The following SCN7A variants were observed in gnomAD, a reference collection of about 807,000 sequenced individuals.
SCN7A encodes the protein sodium channel protein type 7 subunit alpha.
In SCN7A, 138 loss-of-function variants were observed where a neutral mutation model predicts 155.2. The observed-to-expected ratio is 0.89, with a 90% CI of 0.77 to 1.02. The LOEUF is 1.02. SCN7A is among the 50% of genes least tolerant of loss of function. The probability of loss-of-function intolerance (pLI) is 0.00; values close to 1 mark genes in which losing one functional copy is unlikely to be tolerated. For missense variants in SCN7A, 2,058 were observed against 1,986.6 expected (o/e 1.04, Z -0.68); for synonymous variants, 693 against 649.0 (o/e 1.07, Z -1.03).
intron 15 of SCN7A, among the ~76,000 whole-genome samples, chr2:166,439,053 G>GTATATACATATATATA (rs1283353813): frequency 9.3e-5 from 8 of 86,110 alleles, no homozygotes; most frequent in African/African-American, 4.3e-4. Context: ...GTGTGTGTGT[G>GTATATACATATATATA]TGTATATATA....
chr2:166,423,997 T>C (rs2105395558), intron 18 of SCN7A, among the ~76,000 whole-genome samples: 1 of 152,228 alleles, frequency 6.6e-6, no homozygotes, highest in African/African-American at 2.4e-5. Flanking sequence ...AGTCTAATCA[T>C]GTCATTGAAA....
Position 166,406,020 on chromosome 2 carries a change from T to C in SCN7A, c.4609A>G (p.Lys1537Glu). The C allele has an allele frequency of 6.2e-7, 1 of 1,612,940 alleles. No individual in the cohort carries two copies. The highest frequency in any genetic ancestry group is 2.2e-5 in the East Asian group (1 of 44,846). The change falls in exon 26 of 26, where the codon AAG becomes GAG. Residue 1537 changes from lysine to glutamate, a missense_variant. By Grantham distance (56) the Lys-to-Glu change is moderately conservative. Transcript: ENST00000643258. ...PDRTQYIDSS[K>E]LSDFAAALDP... ...AGAGCAGCTGCAAAATCTGAAAGCT[T>C]GCTAGAGTCTATGTACTGGGTCCTA...
intron 20 of SCN7A, among the ~76,000 whole-genome samples, chr2:166,419,904 T>C (rs1220391800): frequency 7.2e-5 from 11 of 152,144 alleles, no homozygotes; most frequent in Non-Finnish European, 1.0e-4. Context: ...ATTTACTACA[T>C]AATCAAAATA....
intron 19 of SCN7A, among the ~76,000 whole-genome samples, chr2:166,422,748 G>A (rs1453545666): frequency 6.6e-6 from 1 of 152,142 alleles, no homozygotes; most frequent in African/African-American, 2.4e-5. Flanking sequence ...TTCAAGAGAA[G>A]TGACATGAGC....
At chr2:166,439,425 G>T (rs1320626800) in intron 15 of SCN7A, among the ~76,000 whole-genome samples, 1 of 151,978 alleles carries the variant, frequency 6.6e-6, no homozygotes, top group Admixed American at 6.6e-5. Context: ...ATAATACAAA[G>T]ATATGAGGCT....
Position 166,465,833 on chromosome 2 carries a change from C to A in SCN7A, c.819G>T (p.Glu273Asp). The A allele has an allele frequency of 6.2e-7, 1 of 1,613,824 alleles. No homozygotes were observed. Residue 273 changes from glutamate (E) to aspartate (D), a missense_variant, in exon 8 of 26, where the codon GAG (glutamate) becomes GAT (aspartate). Transcript: ENST00000643258. The part of the protein sequence containing the change: ...LKHKCFRWPQ[E>D]NENETLHNRT... ...TGTTGTGCAGGGTTTCATTTTCATT[C>A]TCTTGGGGCCATCGAAAACATTTAT...
chr2:166,486,213 T>C (rs1163318829), intron 2 of SCN7A, among the ~76,000 whole-genome samples: 3 of 152,140 alleles, frequency 2.0e-5, no homozygotes, highest in African/African-American at 7.2e-5. Flanking sequence ...ATCTGTAGAT[T>C]TCCTTGACCC....
At chr2:166,492,257 A>T (rs1683130340) in intron 1 of SCN7A, among the ~76,000 whole-genome samples, 1 of 152,094 alleles carries the variant, frequency 6.6e-6, no homozygotes, top group South Asian at 2.1e-4. Flanking sequence ...GCCCATGTAC[A>T]AATTGAGTTC....
chr2:166,446,191 C>T (rs1452698135), intron 12 of SCN7A, among the ~76,000 whole-genome samples: 1 of 151,792 alleles, frequency 6.6e-6, no homozygotes, highest in Non-Finnish European at 1.5e-5. Flanking sequence ...GAAAAAACCC[C>T]ATCAAAAAGT....
chr2:166,490,802 C>T (rs1446525731), intron 1 of SCN7A, among the ~76,000 whole-genome samples: 1 of 152,190 alleles, frequency 6.6e-6, no homozygotes, highest in African/African-American at 2.4e-5. Flanking sequence ...CCAACCTGCC[C>T]TCCCTGCAAC....
chr2:166,405,319 C>T lies in SCN7A; in HGVS notation c.*261G>A. The T allele has an allele frequency of 2.5e-6, 1 of 395,568 alleles. No individual in the cohort carries two copies. Among genetic ancestry groups the T allele is most frequent in the Non-Finnish European group, 4.5e-6 (1 of 224,586 alleles). The allele number at this position is 395,568 out of a possible 1,614,324, so 24.5% of individuals were successfully genotyped here. A position where few individuals can be genotyped will look rare whatever the true frequency, so the allele number is the denominator to read the frequency against. ...CCCTAGAAGGCACACATCATATAAG[C>T]CATGTAGAGAAAACAAATATGAGAT... On this transcript the variant is annotated 3_prime_UTR_variant, in exon 26 of 26. Coordinates refer to ENST00000643258, the MANE Select transcript of SCN7A (RefSeq NM_002976.4).
At position 166,429,269 on chromosome 2, in the gene SCN7A, T is replaced by TTAGAA. The variant is rs1370467574; in HGVS notation, c.2597_2598insTTCTA (p.Lys867SerfsTer33). On this transcript the variant is annotated frameshift_variant, in exon 17 of 26. Coordinates refer to ENST00000643258, the MANE Select transcript of SCN7A (RefSeq NM_002976.4). LOFTEE classifies it high-confidence loss of function. The stretch of plus-strand genomic sequence containing the variant: ...TGCATTCAGATGAGCTAGATTGCTT[T>TTAGAA]ATTTTCTAAAAGGTGAAGTCCCACC... 1.3e-6 allele frequency: 2 copies of TTAGAA among 1,524,482 alleles called. No individual in the cohort carries two copies. The highest frequency in any genetic ancestry group is 1.8e-6 in the Non-Finnish European group (2 of 1,133,592). 94.4% of individuals were successfully genotyped at this position (1,524,482 alleles called of 1,614,324 possible).
chr2:166,404,410 G>A lies in SCN7A; in HGVS notation c.*1170C>T, dbSNP rs1701021618. On this transcript the variant is annotated 3_prime_UTR_variant, in exon 26 of 26. Transcript: ENST00000643258. ...TGTATATGATGAGATTAAAAAACTT[G>A]AAAACGTAAATATATAAGGGAAAAC... 1 of 151,852 alleles carries A rather than the reference G, an allele frequency of 6.6e-6. No homozygotes were observed. Among genetic ancestry groups the A allele is most frequent in the African/African-American group, 2.4e-5 (1 of 41,406 alleles). The allele number at this position is 151,852 out of a possible 1,614,324, so 9.4% of individuals were successfully genotyped here.
In SCN7A at chr2:166,403,779, A is replaced by G. The variant is rs1701007391; in HGVS notation, c.*1801T>C. 6.6e-6 allele frequency: 1 copy of G among 151,980 alleles called. No individual in the cohort carries two copies. The highest frequency in any genetic ancestry group is 1.5e-5 in the Non-Finnish European group (1 of 67,940). The allele number at this position is 151,980 out of a possible 1,614,324, so 9.4% of individuals were successfully genotyped here. On this transcript the variant is annotated 3_prime_UTR_variant, in exon 26 of 26. Transcript: ENST00000643258. ...AAGCAAGTTATGATTCAATTTAAGTATCTGAAGCAGTTTCCACAATAAAGC... is the reference window on the plus strand; with the variant it reads ...AAGCAAGTTATGATTCAATTTAAGTGTCTGAAGCAGTTTCCACAATAAAGC...
chr2:166,460,581 C>G (rs1415014879), intron 10 of SCN7A, among the ~76,000 whole-genome samples: 3 of 151,956 alleles, frequency 2.0e-5, no homozygotes, highest in Non-Finnish European at 4.4e-5. Flanking sequence ...GTGCCTTACT[C>G]CTACACTGGG....
intron 15 of SCN7A, 59 bp from the exon 16 acceptor site, chr2:166,432,811 GA>G: frequency 2.3e-6 from 3 of 1,294,374 alleles, no homozygotes; most frequent in Non-Finnish European, 3.1e-6. Flanking sequence ...TTTAAGTAAT[GA>G]AAAGTTTGTT....
chr2:166,458,522 C>T (rs971263330), intron 10 of SCN7A, among the ~76,000 whole-genome samples: 2 of 152,082 alleles, frequency 1.3e-5, no homozygotes, highest in African/African-American at 2.4e-5. Context: ...ACTATACAGT[C>T]TCATACCACA....
intron 11 of SCN7A, among the ~76,000 whole-genome samples, chr2:166,456,192 C>T (rs896652421): frequency 1.3e-5 from 2 of 151,930 alleles, no homozygotes; most frequent in South Asian, 2.1e-4. Flanking sequence ...GAACATCACA[C>T]ATCAGGACCT....
At chr2:166,485,313 A>G (rs1240505511) in intron 2 of SCN7A, among the ~76,000 whole-genome samples, 2 of 152,188 alleles carry the variant, frequency 1.3e-5, no homozygotes, top group South Asian at 2.1e-4. Context: ...TTCCAATAAT[A>G]TGGGACAACT....
Sources: gnomAD v4.1 joint callset for allele counts (sites outside exome capture counted in the v4.1 genomes callset) on GRCh38, gnomAD v4.1.1 for gene constraint, MANE v1.5 for transcripts, NCBI Gene and HGNC (gene_info 2026-07-23, HGNC 2026-07-21) for gene names.